The following RAB3D variants were observed in gnomAD, a reference collection of about 807,000 sequenced individuals.
RAB3D encodes RAB3D, member RAS oncogene family.
A neutral mutation model predicts 19.3 loss-of-function variants in RAB3D; 17 were observed. The ratio of observed to expected loss-of-function variants is 0.88; its 90% CI spans 0.60 to 1.32. The LOEUF is 1.32. Among genes scored for constraint, RAB3D ranks in the 40% most tolerant of loss-of-function variants. The pLI is 0.00. For missense variants in RAB3D, 223 were observed against 299.1 expected (o/e 0.75, Z 1.88); for synonymous variants, 103 against 119.9 (o/e 0.86, Z 0.92).
At chr19:11,336,973 A>AG (rs1459514893) in intron 2 of RAB3D, among the ~76,000 whole-genome samples, 199 bp downstream of exon 2, 4 of 141,830 alleles carry the variant, frequency 2.8e-5, no homozygotes, top group Non-Finnish European at 3.0e-5. Flanking sequence ...CTGTCTCGAG[A>AG]GAAAAAAAAA....
At position 11,337,355 on chromosome 19, in the gene RAB3D, T is replaced by C; in HGVS notation, c.45A>G (p.Ala15=). ...GDTQAGPRDA[A]DQNFDYMFKL... ...TGAACATATAGTCGAAGTTCTGATCTGCTGCATCCCGTGGGCCTGCCTGGG... is the reference window on the plus strand; with the variant it reads ...TGAACATATAGTCGAAGTTCTGATCCGCTGCATCCCGTGGGCCTGCCTGGG... Residue 15 remains alanine, a synonymous_variant, in exon 2 of 5, where the codon GCA becomes GCG. Coordinates refer to ENST00000222120, the MANE Select transcript of RAB3D (RefSeq NM_004283.4). 6.2e-7 allele frequency: 1 copy of C among 1,614,172 alleles called. No individual in the cohort carries two copies. The highest frequency in any genetic ancestry group is 8.5e-7 in the Non-Finnish European group (1 of 1,180,020).
intron 4 of RAB3D, among the ~76,000 whole-genome samples, chr19:11,334,891 C>G (rs1022201856): frequency 6.6e-6 from 1 of 152,092 alleles, no homozygotes; most frequent in Non-Finnish European, 1.5e-5. Flanking sequence ...CCACTGCACT[C>G]CAGTCTGGGT....
rs1430440473 is a variant in RAB3D at position 11,325,396 on chromosome 19, C to A, written c.*2G>T. ...GGGTGGGTGGGGGGTTGGGGGCCAT[C>A]TCTAGCAGCTGCAGCTGCTGGGCTG... On this transcript the variant is annotated 3_prime_UTR_variant, in exon 5 of 5. Transcript: ENST00000222120. 2.1e-5 allele frequency: 32 copies of A among 1,534,042 alleles called. No individual in the cohort carries two copies. Among genetic ancestry groups the A allele is most frequent in the Non-Finnish European group, 2.7e-5 (31 of 1,148,398 alleles).
chr19:11,329,634 G>GA (rs957745269), intron 4 of RAB3D, among the ~76,000 whole-genome samples: 2 of 150,710 alleles, frequency 1.3e-5, no homozygotes, highest in East Asian at 1.9e-4. Context: ...CAAAAGAAAA[G>GA]AAAAAAAAAT....
chr19:11,335,183 C>T (rs1013275675), intron 4 of RAB3D, among the ~76,000 whole-genome samples: 4 of 152,236 alleles, frequency 2.6e-5, no homozygotes, highest in Non-Finnish European at 5.9e-5. Flanking sequence ...ACACTCCACA[C>T]ACCATATCCC....
chr19:11,335,144 T>C (rs1164926607), intron 4 of RAB3D, among the ~76,000 whole-genome samples: 1 of 152,230 alleles, frequency 6.6e-6, no homozygotes, highest in African/African-American at 2.4e-5. Context: ...GGGGGATCTG[T>C]AGGTTTCACT....
rs201877596 is a variant in RAB3D, at chr19:11,322,345, AAAG to A, written c.*3050_*3052del. The A allele has an allele frequency of 0.039, 5,976 of 151,720 alleles. 149 individuals are homozygous for A. Among genetic ancestry groups the A allele is most frequent in the Non-Finnish European group, 0.056 (3,796 of 67,940 alleles). The allele number at this position is 151,720 out of a possible 1,614,324, so 9.4% of individuals were successfully genotyped here. A position where few individuals can be genotyped will look rare whatever the true frequency, so the allele number is the denominator to read the frequency against. On this transcript the variant is annotated 3_prime_UTR_variant, in exon 5 of 5. Coordinates refer to ENST00000222120, the MANE Select transcript of RAB3D (RefSeq NM_004283.4). The stretch of plus-strand genomic sequence containing the variant: ...GGGAGGAGTCCCCCAGTCCCCCGAA[AAAG>A]AAGAAGAAAAAAAAAAAGCAGAACT...
chr19:11,335,520 C>G lies in RAB3D; in HGVS notation c.399G>C (p.Val133=), dbSNP rs2080849370. ...CGTCCTCCAGGTCACACTTGTTCCC[C>G]ACCAGGATGACCTGGGCGTTGTCCC... The part of the protein sequence containing the change: ...YSWDNAQVIL[V]GNKCDLEDER... The change falls in exon 4 of 5, where the codon GTG becomes GTC. Residue 133 remains valine (V), a synonymous_variant. Transcript: ENST00000222120. The G allele has an allele frequency of 6.2e-7, 1 of 1,614,078 alleles. No homozygotes were observed. Among genetic ancestry groups the G allele is most frequent in the Admixed American group, 1.7e-5 (1 of 59,998 alleles).
chr19:11,337,603 G>A (rs1966908707), intron 1 of RAB3D, 143 bp from the exon 2 acceptor site: 1 of 553,328 alleles, frequency 1.8e-6, no homozygotes, highest in Non-Finnish European at 3.3e-6. Context: ...TCTAAAAAAT[G>A]GGATGTTTGT....
chr19:11,325,845 G>A (rs188686214), intron 4 of RAB3D, among the ~76,000 whole-genome samples: 7 of 152,312 alleles, frequency 4.6e-5, no homozygotes, highest in African/African-American at 1.4e-4. Flanking sequence ...AAGCTACGGC[G>A]GGAGGATCGC....
At position 11,336,976 on chromosome 19, in the gene RAB3D, A is replaced by G. The variant is rs1490946690; in HGVS notation, c.228+196T>C. Among the ~76,000 whole-genome samples the G allele has an allele frequency of 6.7e-5, 9 of 135,118 alleles. 1 individual carries two copies. The highest frequency in any genetic ancestry group is 2.4e-4 in the African/African-American group (7 of 29,074). 88.6% of individuals were successfully genotyped at this position (135,118 alleles called of 152,430 possible). A position where few individuals can be genotyped will look rare whatever the true frequency, so the allele number is the denominator to read the frequency against. On this transcript the variant is annotated intron_variant, in intron 2 of 4. Transcript: ENST00000222120. ...CAGAGCAAGACTCTGTCTCGAGAGAAAAAAAAAAAAAAAAGGTCGAGGCAG... is the reference window on the plus strand; with the variant it reads ...CAGAGCAAGACTCTGTCTCGAGAGAGAAAAAAAAAAAAAAGGTCGAGGCAG...
At chr19:11,327,637 G>A (rs946768330) in intron 4 of RAB3D, among the ~76,000 whole-genome samples, 10 of 152,244 alleles carry the variant, frequency 6.6e-5, no homozygotes, top group Admixed American at 3.9e-4. Flanking sequence ...GACCTCAGAT[G>A]ATCCACCTGC....
At chr19:11,333,409 T>C (rs1178031867) in intron 4 of RAB3D, among the ~76,000 whole-genome samples, 1 of 151,972 alleles carries the variant, frequency 6.6e-6, no homozygotes, top group East Asian at 1.9e-4. Flanking sequence ...TATTATTTAG[T>C]AGAAAAGTTC....
rs1356057664 is a variant in RAB3D, at chr19:11,323,454, G to C, written c.*1944C>G. On this transcript the variant is annotated 3_prime_UTR_variant, in exon 5 of 5. Coordinates refer to ENST00000222120, the MANE Select transcript of RAB3D (RefSeq NM_004283.4). ...AAAAATACAAAATTTAGCCGGGTGTGGTGGCAGGTGCCTGTAATGCCAGCT... is the reference window on the plus strand; with the variant it reads ...AAAAATACAAAATTTAGCCGGGTGTCGTGGCAGGTGCCTGTAATGCCAGCT... The C allele has an allele frequency of 6.6e-6, 1 of 152,114 alleles. No individual in the cohort carries two copies. Among genetic ancestry groups the C allele is most frequent in the Non-Finnish European group, 1.5e-5 (1 of 68,044 alleles). The allele number at this position is 152,114 out of a possible 1,614,324, so 9.4% of individuals were successfully genotyped here.
intron 4 of RAB3D, among the ~76,000 whole-genome samples, chr19:11,329,607 CA>C (rs562770499): frequency 2.1e-4 from 28 of 136,458 alleles, no homozygotes; most frequent in South Asian, 2.4e-4. Flanking sequence ...AACTCCATCT[CA>C]AAAAAAAAAA....
In RAB3D at chr19:11,325,407, G is replaced by T. The variant is rs1168770755; in HGVS notation, c.651C>A (p.Cys217Ter). The part of the protein sequence containing the change: ...GDAPAPQPSS[C>*]SC ...GGGTTGGGGGCCATCTCTAGCAGCT[G>T]CAGCTGCTGGGCTGGGGGGCTGGAG... Residue 217 changes from cysteine (C) to a stop codon, truncating the protein, a stop_gained, in exon 5 of 5, where the codon TGC becomes TGA. Transcript: ENST00000222120. LOFTEE classifies it high-confidence loss of function. 1 of 1,543,066 alleles carries T rather than the reference G, an allele frequency of 6.5e-7. No individual in the cohort carries two copies.
chr19:11,335,799 T>G lies in RAB3D; in HGVS notation c.229-16A>C, dbSNP rs760932749. 1 of 1,610,122 alleles carries G rather than the reference T, an allele frequency of 6.2e-7. No homozygotes were observed. The highest frequency in any genetic ancestry group is 8.5e-7 in the Non-Finnish European group (1 of 1,176,350). On this transcript the variant is annotated splice_polypyrimidine_tract_variant and intron_variant, in intron 2 of 4. Coordinates refer to ENST00000222120, the MANE Select transcript of RAB3D (RefSeq NM_004283.4). ...CCGCTGTGTCCTGGACAAATGGCAGTGGCAGTTGGCTGGGAACTACCTGTT... is the reference window on the plus strand; with the variant it reads ...CCGCTGTGTCCTGGACAAATGGCAGGGGCAGTTGGCTGGGAACTACCTGTT...
intron 4 of RAB3D, among the ~76,000 whole-genome samples, chr19:11,334,723 G>A (rs959286052): frequency 9.2e-5 from 14 of 152,216 alleles, no homozygotes; most frequent in African/African-American, 3.4e-4. Flanking sequence ...AGGAGATGGA[G>A]ACCATCCTGG....
intron 4 of RAB3D, among the ~76,000 whole-genome samples, chr19:11,327,332 T>C (rs969257455): frequency 2.6e-5 from 4 of 152,208 alleles, no homozygotes; most frequent in African/African-American, 9.6e-5. Flanking sequence ...GCCATCCCAC[T>C]GTCTTCCTGG....
Sources: allele counts gnomAD v4.1 joint callset (sites outside exome capture counted in the v4.1 genomes callset), GRCh38; gene constraint gnomAD v4.1.1; transcripts MANE v1.5; gene names NCBI Gene and HGNC (gene_info 2026-07-23, HGNC 2026-07-21).